Variants in LRRC39 observed in about 807,000 individuals in gnomAD.
LRRC39 encodes the protein leucine-rich repeat-containing protein 39.
A neutral mutation model predicts 39.7 loss-of-function variants in LRRC39; 35 were observed. The observed-to-expected ratio is 0.88, with a 90% CI of 0.67 to 1.17. The LOEUF (loss-of-function observed/expected upper bound fraction) is 1.17, where lower values mean the gene tolerates loss of function less well. LRRC39 is among the 50% of genes most tolerant of loss of function. LRRC39 has a pLI of 0.00. For missense variants in LRRC39, 357 were observed against 385.8 expected (o/e 0.93, Z 0.62); for synonymous variants, 113 against 134.1 (o/e 0.84, Z 1.09).
At chr1:100,158,400 G>A in intron 5 of LRRC39, 33 bp from the exon 6 acceptor site, 1 of 1,567,282 alleles carries the variant, frequency 6.4e-7, no homozygotes, top group African/African-American at 1.4e-5. Flanking sequence ...GAGAGGAGTT[G>A]GATATAAAAT....
intron 2 of LRRC39, among the ~76,000 whole-genome samples, chr1:100,170,974 T>G (rs1659560545): frequency 6.6e-6 from 1 of 152,180 alleles, no homozygotes; most frequent in South Asian, 2.1e-4. Context: ...CAAAATGGAC[T>G]TTAGGCACAA....
chr1:100,169,411 T>C (rs1342820614), intron 2 of LRRC39, among the ~76,000 whole-genome samples: 1 of 152,084 alleles, frequency 6.6e-6, no homozygotes, highest in African/African-American at 2.4e-5. Context: ...TCATCAATGG[T>C]GGTATTATTA....
chr1:100,167,341 G>T (rs1332982399), intron 3 of LRRC39, among the ~76,000 whole-genome samples: 1 of 152,058 alleles, frequency 6.6e-6, no homozygotes, highest in Non-Finnish European at 1.5e-5. Context: ...AAAAAAAGCT[G>T]ACTTTTAAAA....
chr1:100,169,347 T>G (rs1659447544), intron 2 of LRRC39, among the ~76,000 whole-genome samples: 2 of 152,014 alleles, frequency 1.3e-5, no homozygotes, highest in Admixed American at 1.3e-4. Flanking sequence ...AGTAATGTAG[T>G]TGGAAAAGAA....
At chr1:100,156,657 A>G (rs1570765903) in intron 6 of LRRC39, among the ~76,000 whole-genome samples, 1 of 152,230 alleles carries the variant, frequency 6.6e-6, no homozygotes, top group East Asian at 1.9e-4. Flanking sequence ...TGAGAATTGT[A>G]TGGGAAAACT....
rs1242008700 is a variant in LRRC39, at chr1:100,159,311, G to A, written c.324C>T (p.Leu108=). The A allele has an allele frequency of 6.2e-7, 1 of 1,610,442 alleles. No homozygotes were observed. Among genetic ancestry groups the A allele is most frequent in the African/African-American group, 1.3e-5 (1 of 74,760 alleles). The change falls in exon 5 of 10, where the codon CTC becomes CTT. Residue 108 remains leucine, a synonymous_variant. Coordinates refer to ENST00000370137, the MANE Select transcript of LRRC39 (RefSeq NM_144620.4). ...IPEFIGRFQN[L]IVLDLSRNTI... Reference sequence around the variant, plus strand: ...TGTTTCGAGATAAATCTAACACAATGAGGTTCTGGAATCTTCCAATGAATT... The same window carrying A: ...TGTTTCGAGATAAATCTAACACAATAAGGTTCTGGAATCTTCCAATGAATT...
intron 2 of LRRC39, 93 bp from the exon 3 acceptor site, chr1:100,168,687 G>A: frequency 5.7e-6 from 3 of 529,596 alleles, no homozygotes; most frequent in Non-Finnish European, 9.8e-6. Context: ...CACATTCCAT[G>A]CTCCAAAAAC....
At chr1:100,159,031 G>C (rs1438067774) in intron 5 of LRRC39, among the ~76,000 whole-genome samples, 2 of 151,966 alleles carry the variant, frequency 1.3e-5, no homozygotes, top group South Asian at 4.1e-4. Context: ...AGAATCACAG[G>C]ATATTTTCCA....
chr1:100,155,593 C>T (rs1570764719), intron 7 of LRRC39, among the ~76,000 whole-genome samples: 1 of 152,174 alleles, frequency 6.6e-6, no homozygotes, highest in Non-Finnish European at 1.5e-5. Flanking sequence ...TCACTATTCT[C>T]ATAGGATTTC....
intron 2 of LRRC39, among the ~76,000 whole-genome samples, chr1:100,170,688 C>G (rs1659542587): frequency 6.6e-6 from 1 of 151,562 alleles, no homozygotes; most frequent in East Asian, 1.9e-4. Flanking sequence ...TTCCTTCCTC[C>G]TTCCCTCCCT....
intron 4 of LRRC39, 129 bp from the exon 5 acceptor site, chr1:100,159,544 A>G: frequency 1.6e-6 from 1 of 614,764 alleles, no homozygotes; most frequent in Non-Finnish European, 2.4e-6. Flanking sequence ...TTAGTGGGTT[A>G]CTTTTCCAAG....
chr1:100,154,257 A>G lies in LRRC39; in HGVS notation c.812+794T>C, dbSNP rs571556092. ...GACACCCAATATAATAAAGTACTGC[A>G]AAACAATTGGCAATTTTCAGTTATC... On this transcript the variant is annotated intron_variant, in intron 8 of 9. Coordinates refer to ENST00000370137, the MANE Select transcript of LRRC39 (RefSeq NM_144620.4). Among the ~76,000 whole-genome samples the G allele has an allele frequency of 2.7e-4, 41 of 152,334 alleles. No individual in the cohort carries two copies. In the South Asian group the frequency reaches 8.1e-3, roughly 30 times the overall value.
chr1:100,165,662 G>T (rs1401503144), intron 3 of LRRC39, among the ~76,000 whole-genome samples: 2 of 152,064 alleles, frequency 1.3e-5, no homozygotes, highest in Non-Finnish European at 2.9e-5. Flanking sequence ...AATATCAATT[G>T]CTTCCAAGTC....
chr1:100,167,469 A>G (rs528644950), intron 3 of LRRC39, among the ~76,000 whole-genome samples: 13 of 152,146 alleles, frequency 8.5e-5, no homozygotes, highest in Admixed American at 2.0e-4. Flanking sequence ...ACATTTGCTA[A>G]TTTAATGTTT....
intron 2 of LRRC39, among the ~76,000 whole-genome samples, chr1:100,171,073 A>G (rs72973724): frequency 0.02 from 2,990 of 152,330 alleles, 110 homozygotes; most frequent in African/African-American, 0.068. Context: ...ACATGCCTCT[A>G]ATAACATGGC....
Position 100,168,620 on chromosome 1 carries a change from A to G in LRRC39, c.-78-26T>C, listed in dbSNP as rs1659405723. ...CTAAATGTACCAGAGAAAAAAAGCAATGTTTCAGACTGTTCATTGAGTACC... is the reference window on the plus strand; with the variant it reads ...CTAAATGTACCAGAGAAAAAAAGCAGTGTTTCAGACTGTTCATTGAGTACC... On this transcript the variant is annotated intron_variant, in intron 2 of 9. Coordinates refer to ENST00000370137, the MANE Select transcript of LRRC39 (RefSeq NM_144620.4). 3.7e-6 allele frequency: 3 copies of G among 809,412 alleles called. No homozygotes were observed. In the South Asian group the frequency reaches 4.7e-5, roughly 13 times the overall value. 50.1% of individuals were successfully genotyped at this position (809,412 alleles called of 1,614,324 possible).
chr1:100,156,151 A>G (rs1658427383), intron 7 of LRRC39, 21 bp downstream of exon 7: 2 of 1,603,124 alleles, frequency 1.2e-6, no homozygotes, highest in Non-Finnish European at 1.7e-6. Context: ...TATCATTAGC[A>G]TAAAGAGTTA....
At chr1:100,168,263 TTTTC>T in intron 3 of LRRC39, 137 bp downstream of exon 3, 1 of 677,170 alleles carries the variant, frequency 1.5e-6, no homozygotes, top group Non-Finnish European at 2.4e-6. Flanking sequence ...GAGTCAGCTG[TTTTC>T]TTTAAGTATA....
chr1:100,151,481 G>A (rs192067277), intron 9 of LRRC39, among the ~76,000 whole-genome samples: 40 of 152,202 alleles, frequency 2.6e-4, no homozygotes, highest in Middle Eastern at 3.4e-3. Context: ...CTGAATGTTA[G>A]TAAAAATTAT....
Sources: gnomAD v4.1 joint callset for allele counts (sites outside exome capture counted in the v4.1 genomes callset) on GRCh38, gnomAD v4.1.1 for gene constraint, MANE v1.5 for transcripts, NCBI Gene and HGNC (gene_info 2026-07-23, HGNC 2026-07-21) for gene names.